SLC25A21: variants seen among roughly 807,000 people sequenced by gnomAD.
SLC25A21 encodes solute carrier family 25 member 21.
In SLC25A21, 47 loss-of-function variants were observed where a neutral mutation model predicts 43.8. The observed-to-expected ratio is 1.07, with a 90% confidence interval of 0.85 to 1.37. The LOEUF (loss-of-function observed/expected upper bound fraction) is 1.37, where lower values mean the gene tolerates loss of function less well. Among genes scored for constraint, SLC25A21 ranks in the 40% most tolerant of loss-of-function variants. The pLI, the probability that SLC25A21 is intolerant of heterozygous loss-of-function variation, is 0.00. For missense variants in SLC25A21, 352 were observed against 350.2 expected, an observed-to-expected ratio of 1.00 and a Z score of -0.04; for synonymous variants, 131 against 121.3, an observed-to-expected ratio of 1.08 and a Z score of -0.52.
At chr14:36,771,381 T>A (rs976196725) in intron 3 of SLC25A21, among the ~76,000 whole-genome samples, 3 of 152,172 alleles carry the variant, frequency 2.0e-5, no homozygotes, top group African/African-American at 7.2e-5. Context: ...TGGTGGCACT[T>A]ATGAGTGCAA....
chr14:36,790,292 C>A, intron 3 of SLC25A21, among the ~76,000 whole-genome samples: 1 of 151,992 alleles, frequency 6.6e-6, no homozygotes, highest in East Asian at 1.9e-4. Context: ...AGCTTCAGAC[C>A]TGTGCAAAAA....
At position 36,949,911 on chromosome 14, in the gene SLC25A21, G is replaced by A. The variant is rs892840037; in HGVS notation, c.71-74907C>T. 7.9e-5 allele frequency among the ~76,000 whole-genome samples: 12 copies of A among 152,222 alleles called. No homozygotes were observed. The South Asian group carries it at 1.5e-3, about 18-fold the overall frequency. On this transcript the variant is annotated intron_variant, in intron 1 of 9. Transcript: ENST00000331299. Reference sequence around the variant, plus strand: ...GGGGAAGGGGCTCTGGACACATTCTGCATCCAACATGTACAAGAAAACTCT... The same window carrying A: ...GGGGAAGGGGCTCTGGACACATTCTACATCCAACATGTACAAGAAAACTCT...
At chr14:36,835,287 T>C (rs1048378504) in intron 2 of SLC25A21, among the ~76,000 whole-genome samples, 1 of 152,198 alleles carries the variant, frequency 6.6e-6, no homozygotes, top group African/African-American at 2.4e-5. Flanking sequence ...CACTTCCCTT[T>C]CTAACCAAGT....
At chr14:36,792,122 A>G (rs1316818158) in intron 3 of SLC25A21, among the ~76,000 whole-genome samples, 1 of 152,118 alleles carries the variant, frequency 6.6e-6, no homozygotes, top group African/African-American at 2.4e-5. Context: ...ACTCTGAGGG[A>G]CAGTTAGACC....
chr14:36,910,686 C>T (rs1001343448), intron 1 of SLC25A21, among the ~76,000 whole-genome samples: 29 of 152,124 alleles, frequency 1.9e-4, no homozygotes, highest in Admixed American at 3.9e-4. Context: ...TTAATCATTT[C>T]GTGGCCTCTA....
chr14:36,948,033 C>T (rs1045448661), intron 1 of SLC25A21, among the ~76,000 whole-genome samples: 2 of 152,138 alleles, frequency 1.3e-5, no homozygotes, highest in African/African-American at 4.8e-5. Context: ...TATAACAGCA[C>T]AGAAAAATAT....
intron 3 of SLC25A21, among the ~76,000 whole-genome samples, chr14:36,741,413 G>C (rs140379136): frequency 5.2e-4 from 79 of 152,260 alleles, no homozygotes; most frequent in African/African-American, 1.8e-3. Context: ...ATACATTAAA[G>C]AGAAAATGCA....
chr14:37,113,252 T>C (rs1322479485), intron 1 of SLC25A21, among the ~76,000 whole-genome samples: 3 of 152,168 alleles, frequency 2.0e-5, no homozygotes, highest in African/African-American at 7.2e-5. Context: ...ACACCTTTTT[T>C]CCTATCATAC....
chr14:36,936,406 G>T (rs560092303), intron 1 of SLC25A21, among the ~76,000 whole-genome samples: 20 of 151,640 alleles, frequency 1.3e-4, no homozygotes, highest in Admixed American at 5.9e-4. Flanking sequence ...CTCAGTTTCT[G>T]TGTTGTCCAA....
At chr14:36,713,880 G>T (rs1238970382) in intron 6 of SLC25A21, among the ~76,000 whole-genome samples, 1 of 152,040 alleles carries the variant, frequency 6.6e-6, no homozygotes, top group African/African-American at 2.4e-5. Context: ...TACTCAGGAG[G>T]CTGACTAAGG....
chr14:36,710,904 G>T (rs1045077082), intron 7 of SLC25A21, among the ~76,000 whole-genome samples: 1 of 152,064 alleles, frequency 6.6e-6, no homozygotes, highest in African/African-American at 2.4e-5. Context: ...ATTTTTCCTT[G>T]TGAGTTCAAA....
intron 3 of SLC25A21, among the ~76,000 whole-genome samples, chr14:36,774,054 T>C (rs2138363091): frequency 6.6e-6 from 1 of 152,282 alleles, no homozygotes; most frequent in South Asian, 2.1e-4. Context: ...AATGCCACAC[T>C]CCTTCCTCTA....
At chr14:36,763,524 G>A (rs1018819579) in intron 3 of SLC25A21, among the ~76,000 whole-genome samples, 8 of 152,176 alleles carry the variant, frequency 5.3e-5, no homozygotes, top group Non-Finnish European at 1.2e-4. Flanking sequence ...AGGGAAACAG[G>A]AAGAACTTTG....
intron 1 of SLC25A21, among the ~76,000 whole-genome samples, chr14:37,124,275 C>A (rs568086928): frequency 6.6e-6 from 1 of 152,076 alleles, no homozygotes; most frequent in Non-Finnish European, 1.5e-5. Flanking sequence ...AAATAATATC[C>A]TCTTTAAGAT....
chr14:36,960,532 T>C (rs1288944844), intron 1 of SLC25A21, among the ~76,000 whole-genome samples: 1 of 152,194 alleles, frequency 6.6e-6, no homozygotes, highest in Non-Finnish European at 1.5e-5. Context: ...ATAAATGTCC[T>C]ATCTTATAAT....
chr14:36,934,946 G>A lies in SLC25A21; in HGVS notation c.71-59942C>T, dbSNP rs557608561. Among the ~76,000 whole-genome samples, 75 of 150,202 alleles carry A rather than the reference G, an allele frequency of 5.0e-4. 1 individual carries two copies. The highest frequency in any genetic ancestry group is 1.8e-3 in the African/African-American group (74 of 40,930). Reference sequence around the variant, plus strand: ...AATCTCCCTAAGTACTACCTTTCCCGCAGAAAGAAAGAAGAAAAAAATCCA... The same window carrying A: ...AATCTCCCTAAGTACTACCTTTCCCACAGAAAGAAAGAAGAAAAAAATCCA... On this transcript the variant is annotated intron_variant, in intron 1 of 9. Transcript: ENST00000331299.
intron 1 of SLC25A21, among the ~76,000 whole-genome samples, chr14:37,169,604 C>CACACACAG (rs1242965821): frequency 2.0e-5 from 3 of 151,250 alleles, no homozygotes; most frequent in Non-Finnish European, 2.9e-5. Context: ...CACACACACA[C>CACACACAG]ACAGAAGTGT....
At chr14:36,775,807 C>A (rs1241813621) in intron 3 of SLC25A21, among the ~76,000 whole-genome samples, 1 of 152,202 alleles carries the variant, frequency 6.6e-6, no homozygotes, top group South Asian at 2.1e-4. Flanking sequence ...CTCATCAATA[C>A]TAGCCATCCT....
intron 1 of SLC25A21, among the ~76,000 whole-genome samples, chr14:37,171,541 T>C (rs1349739337): frequency 1.3e-5 from 2 of 152,314 alleles, no homozygotes; most frequent in African/African-American, 2.4e-5. Flanking sequence ...GACTGTAAGA[T>C]AAAATTTTAA....
Sources: gnomAD v4.1 joint callset for allele counts (sites outside exome capture counted in the v4.1 genomes callset) on GRCh38, gnomAD v4.1.1 for gene constraint, MANE v1.5 for transcripts, NCBI Gene and HGNC (gene_info 2026-07-23, HGNC 2026-07-21) for gene names.